Variants in TMED2 observed in about 807,000 individuals in gnomAD.
TMED2 encodes transmembrane emp24 domain-containing protein 2.
Under a neutral mutation model 17.5 loss-of-function variants are expected in TMED2, and 3 were observed. That is an observed-to-expected ratio of 0.17 (90% CI 0.08 to 0.44). The LOEUF (loss-of-function observed/expected upper bound fraction) is 0.44. Ranked by LOEUF, TMED2 falls within the 20% of genes least tolerant of loss-of-function variation. TMED2 has a pLI of 0.99. For synonymous variants in TMED2, 95 were observed against 91.0 expected (o/e 1.04, Z -0.25); for missense variants, 149 against 254.8 (o/e 0.58, Z 2.83).
At chr12:123,590,961 C>T (rs1953388051) in intron 3 of TMED2, among the ~76,000 whole-genome samples, 2 of 145,802 alleles carry the variant, frequency 1.4e-5, no homozygotes, top group African/African-American at 2.6e-5. Context: ...CCAGCCTGGG[C>T]AATGGAGCTA....
chr12:123,594,713 C>T (rs1953418129), intron 3 of TMED2, among the ~76,000 whole-genome samples: 1 of 149,810 alleles, frequency 6.7e-6, no homozygotes, highest in South Asian at 2.1e-4. Flanking sequence ...CATGGAGAAA[C>T]CGCATCTCTA....
intron 3 of TMED2, among the ~76,000 whole-genome samples, chr12:123,596,068 T>C (rs555981188): frequency 6.6e-6 from 1 of 152,252 alleles, no homozygotes; most frequent in East Asian, 1.9e-4. Flanking sequence ...CAAAAGTATT[T>C]AGAGTATAGG....
At chr12:123,592,791 A>G (rs1012968810) in intron 3 of TMED2, among the ~76,000 whole-genome samples, 9 of 152,182 alleles carry the variant, frequency 5.9e-5, no homozygotes, top group South Asian at 2.1e-4. Context: ...CTGTGCTTCA[A>G]TGTGTTCTAT....
intron 3 of TMED2, among the ~76,000 whole-genome samples, chr12:123,593,640 G>A (rs1297883248): frequency 6.6e-6 from 1 of 152,096 alleles, no homozygotes; most frequent in Admixed American, 6.6e-5. Flanking sequence ...GGACTTGGCT[G>A]TACCCAGTGA....
In TMED2 at chr12:123,596,594, GTCC is replaced by G. The variant is rs2135665607; in HGVS notation, c.482-8_482-6del. ...TTGTTAAATTTTGTTTGTTTGTTTT[GTCC>G]TCAACAGTCAACGACAACACAAACA... is the stretch of plus-strand genomic sequence containing the variant. On this transcript the variant is annotated splice_region_variant and splice_polypyrimidine_tract_variant and intron_variant, in intron 3 of 3. Transcript: ENST00000262225. The G allele has an allele frequency of 6.3e-7, 1 of 1,588,942 alleles. No homozygotes were observed. The highest frequency in any genetic ancestry group is 1.2e-5 in the South Asian group (1 of 85,962).
At chr12:123,590,578 C>A in intron 3 of TMED2, 129 bp downstream of exon 3, 1 of 613,236 alleles carries the variant, frequency 1.6e-6, no homozygotes, top group Non-Finnish European at 2.8e-6. Context: ...TAAAAGTGTA[C>A]CTACACGAGA....
chr12:123,585,617 C>A (rs1487049321), intron 1 of TMED2: 2 of 152,188 alleles, frequency 1.3e-5, no homozygotes, highest in East Asian at 3.8e-4. Context: ...GGGCTGGGCA[C>A]AAGTTACACA....
Position 123,586,785 on chromosome 12 carries a change from C to G in TMED2, c.219C>G (p.Asp73Glu). 6.2e-7 allele frequency: 1 copy of G among 1,608,378 alleles called. No individual in the cohort carries two copies. The highest frequency in any genetic ancestry group is 2.2e-5 in the East Asian group (1 of 44,724). ...GPDNKGIYKG[D>E]RESSGKYTFA... is the part of the protein sequence containing the mutation. ...ATAACAAAGGAATTTACAAAGGAGACAGAGAATCCAGTGGGAAATACACAT... is the reference window on the plus strand; with the variant it reads ...ATAACAAAGGAATTTACAAAGGAGAGAGAGAATCCAGTGGGAAATACACAT... Residue 73 changes from aspartate to glutamate, a missense_variant, in exon 2 of 4, where the codon GAC (aspartate) becomes GAG (glutamate). Transcript: ENST00000262225.
intron 1 of TMED2, 100 bp from the exon 2 acceptor site, chr12:123,586,647 G>C: frequency 7.9e-7 from 1 of 1,271,510 alleles, no homozygotes; most frequent in Non-Finnish European, 1.1e-6. Flanking sequence ...ACCATGCCCA[G>C]CCATATTCTT....
At chr12:123,587,553 G>A in intron 2 of TMED2, 1 of 1,244,272 alleles carries the variant, frequency 8.0e-7, no homozygotes, top group Admixed American at 2.9e-5. Flanking sequence ...TACATGACTA[G>A]TTTAGCTAAA....
intron 2 of TMED2, among the ~76,000 whole-genome samples, chr12:123,589,091 T>G (rs1953371718): frequency 1.3e-5 from 2 of 152,190 alleles, no homozygotes. Flanking sequence ...CTGTTCATTC[T>G]CATAACGTGG....
intron 3 of TMED2, among the ~76,000 whole-genome samples, chr12:123,591,068 G>A (rs1201711241): frequency 6.6e-6 from 1 of 152,198 alleles, no homozygotes; most frequent in African/African-American, 2.4e-5. Flanking sequence ...AATCAGAAGG[G>A]AAAAATGTTG....
chr12:123,585,039 C>G, intron 1 of TMED2: 1 of 551,584 alleles, frequency 1.8e-6, no homozygotes, highest in African/African-American at 1.9e-5. Context: ...CTTGGGGGCT[C>G]CTTCGGCATG....
chr12:123,591,041 A>C (rs1301063251), intron 3 of TMED2, among the ~76,000 whole-genome samples: 1 of 151,488 alleles, frequency 6.6e-6, no homozygotes, highest in African/African-American at 2.4e-5. Context: ...CTAAGGAATA[A>C]GCTAATTGTT....
At chr12:123,589,294 G>C (rs1953374381) in intron 2 of TMED2, among the ~76,000 whole-genome samples, 1 of 152,202 alleles carries the variant, frequency 6.6e-6, no homozygotes, top group Admixed American at 6.5e-5. Flanking sequence ...ATTTTCCTAA[G>C]AGCGTTTTAA....
At chr12:123,584,899 T>C in intron 1 of TMED2, 83 bp downstream of exon 1, 1 of 1,530,996 alleles carries the variant, frequency 6.5e-7, no homozygotes, top group Non-Finnish European at 8.8e-7. Flanking sequence ...GCGGGGCCTG[T>C]GTGGGGAGTG....
intron 3 of TMED2, 113 bp downstream of exon 3, chr12:123,590,562 T>A: frequency 1.3e-6 from 1 of 788,282 alleles, no homozygotes; most frequent in Non-Finnish European, 2.0e-6. Flanking sequence ...GTGAAAGCAT[T>A]GACTTTAAAA....
intron 3 of TMED2, among the ~76,000 whole-genome samples, chr12:123,591,269 T>C (rs895910074): frequency 1.3e-4 from 20 of 152,190 alleles, no homozygotes; most frequent in African/African-American, 4.8e-4. Flanking sequence ...AGTTTGTAAG[T>C]TGGGAATTTG....
chr12:123,595,243 A>G (rs1040007657), intron 3 of TMED2, among the ~76,000 whole-genome samples: 2 of 152,220 alleles, frequency 1.3e-5, no homozygotes, highest in Non-Finnish European at 2.9e-5. Context: ...AAGTAAGTAA[A>G]TAAAAAGAAT....
Sources: allele counts gnomAD v4.1 joint callset (sites outside exome capture counted in the v4.1 genomes callset), GRCh38; gene constraint gnomAD v4.1.1; transcripts MANE v1.5; gene names NCBI Gene and HGNC (gene_info 2026-07-23, HGNC 2026-07-21).